Variants in GALNT13 observed in about 807,000 individuals in gnomAD.
GALNT13 encodes the protein UDP-GalNAc:polypeptide N-acetylgalactosaminyltransferase 13.
A neutral mutation model predicts 64.2 loss-of-function variants in GALNT13; 28 were observed. The observed-to-expected ratio is 0.44, with a 90% CI of 0.32 to 0.60. The LOEUF is 0.60. Ranked by LOEUF, GALNT13 falls within the 20% of genes least tolerant of loss-of-function variation. GALNT13 has a pLI of 0.05. For missense variants in GALNT13, 577 were observed against 669.8 expected (o/e 0.86, Z 1.53); for synonymous variants, 214 against 224.6 (o/e 0.95, Z 0.42).
At chr2:153,373,159 T>TGTGTGTGTGTGC in the GALNT13 span, among the ~76,000 whole-genome samples, 1 of 149,532 alleles carries the variant, frequency 6.7e-6, no homozygotes, top group Non-Finnish European at 1.5e-5. Flanking sequence ...TGTGTGTGTG[T>TGTGTGTGTGTGC]GCACGTGTGT....
chr2:153,919,837 A>T (rs1202852952), intron 2 of GALNT13, among the ~76,000 whole-genome samples: 2 of 151,528 alleles, frequency 1.3e-5, no homozygotes, highest in Non-Finnish European at 2.9e-5. Flanking sequence ...CTATAAGTAG[A>T]TATAATTCTT....
chr2:153,244,421 G>A, the GALNT13 span, among the ~76,000 whole-genome samples: 16 of 152,198 alleles, frequency 1.1e-4, no homozygotes, highest in Non-Finnish European at 2.2e-4. Flanking sequence ...AATGCAGAAG[G>A]TGGGTGATTT....
At chr2:153,451,579 G>A in the GALNT13 span, among the ~76,000 whole-genome samples, 22 of 152,318 alleles carry the variant, frequency 1.4e-4, no homozygotes, top group Middle Eastern at 3.4e-3. Context: ...GAAAGAGAAA[G>A]TGAGAGTTAA....
At chr2:153,785,139 T>G in the GALNT13 span, among the ~76,000 whole-genome samples, 1 of 152,160 alleles carries the variant, frequency 6.6e-6, no homozygotes, top group Non-Finnish European at 1.5e-5. Flanking sequence ...TTTCTCAGCC[T>G]TAGGTGCTGT....
At chr2:153,130,520 C>T in the GALNT13 span, among the ~76,000 whole-genome samples, 1 of 152,054 alleles carries the variant, frequency 6.6e-6, no homozygotes, top group African/African-American at 2.4e-5. Flanking sequence ...GAATCACCAC[C>T]CATCACAATC....
rs181145272 is a variant in GALNT13, at chr2:154,291,184, G to T, written c.976-10225G>T. Among the ~76,000 whole-genome samples, 6 of 152,148 alleles carry T rather than the reference G, an allele frequency of 3.9e-5. No homozygotes were observed. In the East Asian group the frequency reaches 1.2e-3, roughly 30 times the overall value. On this transcript the variant is annotated intron_variant, in intron 8 of 12. Coordinates refer to ENST00000392825, the MANE Select transcript of GALNT13 (RefSeq NM_052917.4). ...CCTACTGATTGGTCCATTTTACAGA[G>T]AGCTGATTTGTCCGTTTCACAGAGA...
the GALNT13 span, among the ~76,000 whole-genome samples, chr2:153,418,353 C>G: frequency 1.3e-5 from 2 of 152,116 alleles, no homozygotes; most frequent in African/African-American, 2.4e-5. Flanking sequence ...GTTTTGACCT[C>G]CAGAACTGTA....
chr2:153,458,906 A>G, the GALNT13 span, among the ~76,000 whole-genome samples: 392 of 152,208 alleles, frequency 2.6e-3, 1 homozygote, highest in African/African-American at 9.0e-3. Flanking sequence ...ATTCCATACT[A>G]TTGGCCTTTA....
the GALNT13 span, among the ~76,000 whole-genome samples, chr2:153,736,486 C>T: frequency 6.6e-6 from 1 of 152,132 alleles, no homozygotes; most frequent in Admixed American, 6.5e-5. Context: ...AAGATCTGGG[C>T]ACTAGATGTG....
chr2:154,035,524 GATTA>G (rs1698609810), intron 3 of GALNT13, among the ~76,000 whole-genome samples: 1 of 151,968 alleles, frequency 6.6e-6, no homozygotes, highest in Admixed American at 6.6e-5. Context: ...AATAATGTAT[GATTA>G]ATTAGTCATT....
chr2:153,947,940 C>A (rs946956629), intron 3 of GALNT13, among the ~76,000 whole-genome samples: 5 of 152,050 alleles, frequency 3.3e-5, no homozygotes, highest in African/African-American at 7.2e-5. Context: ...AATAGGGAAT[C>A]CTTTCCCCAT....
At chr2:153,934,608 C>T (rs376588820) in intron 2 of GALNT13, among the ~76,000 whole-genome samples, 3 of 152,190 alleles carry the variant, frequency 2.0e-5, no homozygotes, top group South Asian at 2.1e-4. Context: ...CTTGCATATA[C>T]GGATATCCAT....
At chr2:153,349,867 A>T in the GALNT13 span, among the ~76,000 whole-genome samples, 35 of 152,088 alleles carry the variant, frequency 2.3e-4, no homozygotes, top group African/African-American at 7.5e-4. Flanking sequence ...GAATCCAATT[A>T]AAAAAAAGAA....
chr2:153,675,368 A>G, the GALNT13 span, among the ~76,000 whole-genome samples: 1 of 152,238 alleles, frequency 6.6e-6, no homozygotes, highest in Non-Finnish European at 1.5e-5. Flanking sequence ...ATGCAGCCAT[A>G]AAAAAGATGA....
the GALNT13 span, among the ~76,000 whole-genome samples, chr2:153,132,687 CA>C: frequency 2.6e-5 from 4 of 152,116 alleles, no homozygotes; most frequent in Admixed American, 2.6e-4. Context: ...ACATTTCTCA[CA>C]ATGTTATATT....
the GALNT13 span, among the ~76,000 whole-genome samples, chr2:153,100,863 T>C: frequency 6.6e-6 from 1 of 152,074 alleles, no homozygotes; most frequent in Non-Finnish European, 1.5e-5. Context: ...ACCCCATCTC[T>C]ACTAAAAAAT....
the GALNT13 span, among the ~76,000 whole-genome samples, chr2:153,809,956 T>TTTTTG: frequency 3.3e-5 from 5 of 152,136 alleles, no homozygotes; most frequent in South Asian, 6.2e-4. Flanking sequence ...ATTTCTTTGT[T>TTTTTG]TTTTGTTTTG....
chr2:154,327,340 T>A (rs747143654), intron 9 of GALNT13, among the ~76,000 whole-genome samples: 2 of 152,088 alleles, frequency 1.3e-5, no homozygotes, highest in Admixed American at 1.3e-4. Context: ...CAGGTAGTTA[T>A]TTATAGTAGT....
chr2:153,215,331 C>T, the GALNT13 span, among the ~76,000 whole-genome samples: 25 of 152,206 alleles, frequency 1.6e-4, no homozygotes, highest in African/African-American at 4.6e-4. Flanking sequence ...TATTTCCACA[C>T]AGCCTCACAA....
Sources: gnomAD v4.1 joint callset for allele counts (sites outside exome capture counted in the v4.1 genomes callset) on GRCh38, gnomAD v4.1.1 for gene constraint, MANE v1.5 for transcripts, NCBI Gene and HGNC (gene_info 2026-07-23, HGNC 2026-07-21) for gene names.